Variants in CLTCL1 observed in about 807,000 individuals in gnomAD.
The protein encoded by CLTCL1 is clathrin heavy chain like 1, also known as clathrin heavy chain 2.
Under a neutral mutation model 190.0 loss-of-function variants are expected in CLTCL1, and 159 were observed. The ratio of observed to expected loss-of-function variants is 0.84; its 90% CI spans 0.74 to 0.95. The LOEUF (loss-of-function observed/expected upper bound fraction) is 0.95. CLTCL1 is among the 40% of genes least tolerant of loss of function. CLTCL1 has a pLI of 0.00. For missense variants in CLTCL1, 1,878 were observed against 2,033.4 expected, an observed-to-expected ratio of 0.92 and a Z score of 1.47; for synonymous variants, 752 against 769.6, an observed-to-expected ratio of 0.98 and a Z score of 0.38.
intron 3 of CLTCL1, among the ~76,000 whole-genome samples, chr22:19,253,322 G>C (rs987486731): frequency 5.3e-5 from 8 of 152,134 alleles, no homozygotes; most frequent in African/African-American, 1.9e-4. Flanking sequence ...CAATTACCAA[G>C]GACAGGCCAG....
At chr22:19,275,502 T>A in intron 2 of CLTCL1, 121 bp downstream of exon 2, 6 of 1,070,740 alleles carry the variant, frequency 5.6e-6, no homozygotes, top group Non-Finnish European at 8.1e-6. Flanking sequence ...ACTTTTGGAA[T>A]TAAGTGGAAT....
At chr22:19,276,889 G>T (rs1172751028) in intron 1 of CLTCL1, among the ~76,000 whole-genome samples, 5 of 152,028 alleles carry the variant, frequency 3.3e-5, no homozygotes, top group East Asian at 1.9e-4. Flanking sequence ...AGCCAGGATG[G>T]TCTCAATCTC....
intron 2 of CLTCL1, chr22:19,258,753 G>C (rs1193104245): frequency 1.4e-6 from 1 of 694,698 alleles, no homozygotes; most frequent in South Asian, 1.4e-5. Flanking sequence ...CTGCAGGATA[G>C]TGGACGGCAA....
At position 19,258,044 on chromosome 22, in the gene CLTCL1, C is replaced by T. The variant is rs2086822248; in HGVS notation, c.251-3817G>A. 16 of 474,694 alleles carry T rather than the reference C, an allele frequency of 3.4e-5. 1 individual carries two copies. The highest frequency in any genetic ancestry group is 2.6e-4 in the South Asian group (16 of 62,354). 29.4% of individuals were successfully genotyped at this position (474,694 alleles called of 1,614,324 possible). A position where few individuals can be genotyped will look rare whatever the true frequency, so the allele number is the denominator to read the frequency against. ...CAAGTATGAGACAGAGCTGGCCATG[C>T]ACCAGTTTGTGAGGAGCGACATCCA... On this transcript the variant is annotated intron_variant, in intron 2 of 32. Coordinates refer to ENST00000427926, the MANE Select transcript of CLTCL1 (RefSeq NM_007098.4).
rs781870191 is a variant in CLTCL1 at position 19,187,742 on chromosome 22, C to T, written c.4435-14G>A. 2 of 1,611,712 alleles carry T rather than the reference C, an allele frequency of 1.2e-6. No homozygotes were observed. Among genetic ancestry groups the T allele is most frequent in the East Asian group, 4.5e-5 (2 of 44,818 alleles). On this transcript the variant is annotated splice_polypyrimidine_tract_variant and intron_variant, in intron 28 of 32. Transcript: ENST00000427926. ...TGCCCTTAAGCCCTAGGAAGACAGCCTTTCTGTGAGGGATGGGACACTGAC... is the reference window on the plus strand; with the variant it reads ...TGCCCTTAAGCCCTAGGAAGACAGCTTTTCTGTGAGGGATGGGACACTGAC...
rs1555943953 is a variant in CLTCL1, at chr22:19,208,144, C to G, written c.3600+10G>C. 6.2e-7 allele frequency: 1 copy of G among 1,613,844 alleles called. No individual in the cohort carries two copies. On this transcript the variant is annotated intron_variant, in intron 22 of 32. Transcript: ENST00000427926. ...CTGGCAGTGCACAGCCCCCAGGGGGCATGGCCTACCTGCTGGATGTGGGCA... is the reference window on the plus strand; with the variant it reads ...CTGGCAGTGCACAGCCCCCAGGGGGGATGGCCTACCTGCTGGATGTGGGCA...
At chr22:19,213,243 A>G (rs1165113479) in intron 19 of CLTCL1, among the ~76,000 whole-genome samples, 1 of 152,242 alleles carries the variant, frequency 6.6e-6, no homozygotes, top group African/African-American at 2.4e-5. Flanking sequence ...ATTAGCCACT[A>G]GGGCAATGCA....
chr22:19,271,568 C>T (rs1463417860), intron 2 of CLTCL1, among the ~76,000 whole-genome samples: 2 of 152,142 alleles, frequency 1.3e-5, no homozygotes, highest in African/African-American at 2.4e-5. Context: ...CTCAGGCCTC[C>T]TAGCCAAGCT....
rs781884057 is a variant in CLTCL1, at chr22:19,229,882, G to C, written c.1738C>G (p.Leu580Val). The change falls in exon 11 of 33, where the codon CTG becomes GTG. Residue 580 changes from leucine (L) to valine (V), a missense_variant. Leu to Val is a conservative substitution (Grantham distance 32). Transcript: ENST00000427926. Reference protein sequence around the residue: ...LKNNRPAEGLLQTWLLEMNLV... With the variant: ...LKNNRPAEGLVQTWLLEMNLV... ...TTCATCTCCAACAGCCATGTCTGCA[G>C]GAGTCCCTCAGCTGGGCGATTATTC... 1.9e-6 allele frequency: 3 copies of C among 1,611,636 alleles called. No individual in the cohort carries two copies. The African/African-American group carries it at 4.0e-5, about 22-fold the overall frequency.
chr22:19,197,037 A>G (rs1555936328), intron 24 of CLTCL1, among the ~76,000 whole-genome samples: 2 of 151,970 alleles, frequency 1.3e-5, no homozygotes, highest in Non-Finnish European at 2.9e-5. Context: ...CTTCAACTCC[A>G]CTCACGATGC....
chr22:19,291,714 G>A lies in CLTCL1; in HGVS notation c.-73C>T, dbSNP rs1555994527. 3.1e-6 allele frequency: 4 copies of A among 1,285,144 alleles called. No homozygotes were observed. The highest frequency in any genetic ancestry group is 3.0e-6 in the Non-Finnish European group (3 of 1,008,010). The allele number at this position is 1,285,144 out of a possible 1,614,324, so 79.6% of individuals were successfully genotyped here. On this transcript the variant is annotated 5_prime_UTR_variant, in exon 1 of 33. Transcript: ENST00000427926. ...CGCCGACCCCTCGCGCGGGCTGACCGGTGGCGACGGCGCAGGCGCAGTGCC... is the reference window on the plus strand; with the variant it reads ...CGCCGACCCCTCGCGCGGGCTGACCAGTGGCGACGGCGCAGGCGCAGTGCC...
chr22:19,239,209 G>C, intron 5 of CLTCL1, 66 bp downstream of exon 5: 1 of 1,268,330 alleles, frequency 7.9e-7, no homozygotes, highest in Non-Finnish European at 1.2e-6. Flanking sequence ...GCAGCCTCCT[G>C]TATCTTGGGA....
chr22:19,273,354 TC>T (rs76953361), intron 2 of CLTCL1, among the ~76,000 whole-genome samples: 35,283 of 151,916 alleles, frequency 0.23, 4,978 homozygotes, highest in African/African-American at 0.39. Context: ...GTCTTACACT[TC>T]CCCCACGGAA....
At chr22:19,205,665 T>G (rs1212193372) in intron 22 of CLTCL1, among the ~76,000 whole-genome samples, 1 of 152,240 alleles carries the variant, frequency 6.6e-6, no homozygotes, top group Non-Finnish European at 1.5e-5. Context: ...TAGAGGTCCA[T>G]GTTTAGAAAT....
chr22:19,180,278 C>T (rs1164437894), intron 31 of CLTCL1, 40 bp from the exon 32 acceptor site: 2 of 1,612,056 alleles, frequency 1.2e-6, no homozygotes, highest in Non-Finnish European at 1.7e-6. Flanking sequence ...GAAGGACACA[C>T]TCAGCCGGAC....
chr22:19,221,802 C>T (rs1235887022), intron 16 of CLTCL1, 149 bp downstream of exon 16: 4 of 1,034,006 alleles, frequency 3.9e-6, no homozygotes, highest in African/African-American at 3.2e-5. Flanking sequence ...CCAAGGTCTT[C>T]ACAGTACCAA....
intron 11 of CLTCL1, 58 bp from the exon 12 acceptor site, chr22:19,226,441 C>T: frequency 6.3e-7 from 1 of 1,596,154 alleles, no homozygotes; most frequent in Non-Finnish European, 8.6e-7. Context: ...TTTTTAAGAC[C>T]AGCTGCTCAA....
rs369686959 is a variant in CLTCL1 at position 19,235,462 on chromosome 22, C to T, written c.969+234G>A. Among the ~76,000 whole-genome samples, 187 of 152,316 alleles carry T rather than the reference C, an allele frequency of 1.2e-3. 6 individuals carry two copies. In the South Asian group the frequency reaches 0.037, roughly 31 times the overall value. On this transcript the variant is annotated intron_variant, in intron 6 of 32. Coordinates refer to ENST00000427926, the MANE Select transcript of CLTCL1 (RefSeq NM_007098.4). ...GGTATAAAGATGATGTGCATCAGAA[C>T]TGCTGTTCTATACGCAGGAAGGAGC...
intron 29 of CLTCL1, 178 bp from the exon 30 acceptor site, chr22:19,183,789 G>A (rs1555927048): frequency 2.2e-5 from 14 of 644,812 alleles, no homozygotes; most frequent in East Asian, 1.4e-4. Context: ...CTGGTGAAAC[G>A]GAGATGCCAC....
Sources: gnomAD v4.1 joint callset for allele counts (sites outside exome capture counted in the v4.1 genomes callset) on GRCh38, gnomAD v4.1.1 for gene constraint, MANE v1.5 for transcripts, NCBI Gene and HGNC (gene_info 2026-07-23, HGNC 2026-07-21) for gene names.